GUCY1A2: variants seen among roughly 807,000 people sequenced by gnomAD.
The protein encoded by GUCY1A2 is guanylate cyclase 1 soluble subunit alpha 2.
In GUCY1A2, 27 loss-of-function variants were observed where a neutral mutation model predicts 63.5. The ratio of observed to expected loss-of-function variants is 0.43; its 90% CI spans 0.31 to 0.59. The LOEUF (loss-of-function observed/expected upper bound fraction) is 0.59, where lower values mean the gene tolerates loss of function less well. Ranked by LOEUF, GUCY1A2 falls within the 20% of genes least tolerant of loss-of-function variation. The pLI, the probability that GUCY1A2 is intolerant of heterozygous loss-of-function variation, is 0.11. For synonymous variants in GUCY1A2, 364 were observed against 343.5 expected (o/e 1.06, Z -0.66); for missense variants, 768 against 913.3 (o/e 0.84, Z 2.05).
intron 1 of GUCY1A2, among the ~76,000 whole-genome samples, chr11:107,002,805 T>C (rs1261903088): frequency 1.3e-5 from 2 of 152,184 alleles, no homozygotes; most frequent in Non-Finnish European, 2.9e-5. Context: ...TTGCTAGATA[T>C]ACAAAATTAC....
intron 2 of GUCY1A2, among the ~76,000 whole-genome samples, chr11:106,979,678 A>G (rs1384011037): frequency 6.6e-6 from 1 of 152,046 alleles, no homozygotes; most frequent in Non-Finnish European, 1.5e-5. Context: ...ATTGGCTGGG[A>G]CTTTTTGAGT....
chr11:106,715,310 G>A lies in GUCY1A2; in HGVS notation c.1837-6644C>T, dbSNP rs1032221476. 6.6e-5 allele frequency among the ~76,000 whole-genome samples: 10 copies of A among 152,222 alleles called. No homozygotes were observed. The East Asian group carries it at 1.9e-3, about 29-fold the overall frequency. On this transcript the variant is annotated intron_variant, in intron 6 of 7. Transcript: ENST00000526355. The stretch of plus-strand genomic sequence containing the variant: ...GTAAAGGAGGAGTGTTGGATTAGGA[G>A]GGCGGCACAGATCCTTTAGTCCAGC...
Position 106,718,430 on chromosome 11 carries a change from T to TA in GUCY1A2, c.1837-9765dup, listed in dbSNP as rs1415740372. Among the ~76,000 whole-genome samples the TA allele has an allele frequency of 3.9e-5, 6 of 152,220 alleles. No individual in the cohort carries two copies. In the East Asian group the frequency reaches 1.2e-3, roughly 29 times the overall value. ...GAATCATATAGCTGATGGCACTGAA[T>TA]AAAATGTCAGATATTGCTGTGGGGA... is the stretch of plus-strand genomic sequence containing the variant. On this transcript the variant is annotated intron_variant, in intron 6 of 7. Transcript: ENST00000526355.
chr11:106,704,246 G>T (rs956961904), intron 7 of GUCY1A2, among the ~76,000 whole-genome samples: 6 of 152,162 alleles, frequency 3.9e-5, no homozygotes, highest in Non-Finnish European at 7.4e-5. Flanking sequence ...TCCATGGAAA[G>T]AACAGGATGA....
chr11:107,006,568 C>T (rs1591361846), intron 1 of GUCY1A2, among the ~76,000 whole-genome samples: 2 of 152,166 alleles, frequency 1.3e-5, no homozygotes, highest in African/African-American at 2.4e-5. Flanking sequence ...AAAATCTACT[C>T]ACAATATCTT....
chr11:106,909,814 A>T (rs1860268586), intron 4 of GUCY1A2, among the ~76,000 whole-genome samples: 1 of 152,008 alleles, frequency 6.6e-6, no homozygotes, highest in African/African-American at 2.4e-5. Flanking sequence ...TGTCATGCAA[A>T]TTCCAGTATA....
chr11:106,709,840 A>ACT (rs1863055420), intron 6 of GUCY1A2, among the ~76,000 whole-genome samples: 2 of 132,224 alleles, frequency 1.5e-5, no homozygotes, highest in African/African-American at 5.3e-5. Context: ...ACACGTATAG[A>ACT]ATATATAGTT....
chr11:106,867,132 T>C (rs1208363447), intron 4 of GUCY1A2, among the ~76,000 whole-genome samples: 3 of 152,110 alleles, frequency 2.0e-5, no homozygotes, highest in African/African-American at 7.2e-5. Context: ...GAAGCTAAAA[T>C]ATCTGGTGGT....
intron 4 of GUCY1A2, among the ~76,000 whole-genome samples, chr11:106,890,217 G>T (rs943189575): frequency 1.3e-5 from 2 of 152,062 alleles, no homozygotes; most frequent in African/African-American, 4.8e-5. Context: ...TGCTATAAGG[G>T]TACTTCATCA....
chr11:106,922,717 G>A (rs894984899), intron 4 of GUCY1A2, among the ~76,000 whole-genome samples: 16 of 92,562 alleles, frequency 1.7e-4, no homozygotes, highest in African/African-American at 5.1e-4. Context: ...ATATATATAT[G>A]TACTCACAAT....
chr11:106,735,914 C>T (rs1863580726), intron 6 of GUCY1A2, among the ~76,000 whole-genome samples: 2 of 152,018 alleles, frequency 1.3e-5, no homozygotes, highest in South Asian at 4.1e-4. Context: ...TACCTGTTTT[C>T]CATTTGTGTG....
chr11:106,988,921 G>A (rs966549571), intron 1 of GUCY1A2, among the ~76,000 whole-genome samples: 1 of 152,198 alleles, frequency 6.6e-6, no homozygotes, highest in African/African-American at 2.4e-5. Context: ...TCTGACCTGA[G>A]TAAAAAGCAT....
At chr11:106,900,233 G>T (rs1316418556) in intron 4 of GUCY1A2, among the ~76,000 whole-genome samples, 2 of 152,082 alleles carry the variant, frequency 1.3e-5, no homozygotes, top group Non-Finnish European at 2.9e-5. Flanking sequence ...ACCCAGGCTG[G>T]AGTACAGCGG....
intron 1 of GUCY1A2, among the ~76,000 whole-genome samples, chr11:106,993,621 T>A (rs11211998): frequency 0.042 from 6,331 of 151,836 alleles, 695 homozygotes; most frequent in East Asian, 0.31. Context: ...GACCTTTTTT[T>A]AAAAAAAATA....
At chr11:106,974,427 G>C (rs1478031472) in intron 3 of GUCY1A2, among the ~76,000 whole-genome samples, 1 of 151,904 alleles carries the variant, frequency 6.6e-6, no homozygotes, top group African/African-American at 2.4e-5. Context: ...ACAATTTTAT[G>C]ACTAATTAAA....
At chr11:106,880,476 A>G (rs1241948825) in intron 4 of GUCY1A2, among the ~76,000 whole-genome samples, 3 of 151,972 alleles carry the variant, frequency 2.0e-5, no homozygotes, top group Non-Finnish European at 4.4e-5. Context: ...CGTCTCATTC[A>G]CTGGATCCAA....
intron 4 of GUCY1A2, among the ~76,000 whole-genome samples, chr11:106,898,230 T>G (rs1244462452): frequency 2.0e-5 from 3 of 152,218 alleles, no homozygotes; most frequent in Non-Finnish European, 4.4e-5. Flanking sequence ...GTGGGAACTT[T>G]CATTCATTGC....
intron 4 of GUCY1A2, among the ~76,000 whole-genome samples, chr11:106,837,607 T>C (rs1859134796): frequency 6.6e-6 from 1 of 151,828 alleles, no homozygotes; most frequent in Admixed American, 6.6e-5. Flanking sequence ...ATTATTTCAA[T>C]ATACCTAGGC....
intron 6 of GUCY1A2, among the ~76,000 whole-genome samples, chr11:106,726,090 C>G (rs1863402739): frequency 6.6e-6 from 1 of 152,090 alleles, no homozygotes; most frequent in African/African-American, 2.4e-5. Flanking sequence ...ATTGTGATAA[C>G]ACTGCATCCT....
Sources: gnomAD v4.1 joint callset for allele counts (sites outside exome capture counted in the v4.1 genomes callset) on GRCh38, gnomAD v4.1.1 for gene constraint, MANE v1.5 for transcripts, NCBI Gene and HGNC (gene_info 2026-07-23, HGNC 2026-07-21) for gene names.